SMG7: variants seen among roughly 807,000 people sequenced by gnomAD.
SMG7 encodes the protein SMG7 nonsense mediated mRNA decay factor.
A neutral mutation model predicts 148.2 loss-of-function variants in SMG7; 34 were observed. The observed-to-expected ratio is 0.23, with a 90% CI of 0.17 to 0.31. The LOEUF (loss-of-function observed/expected upper bound fraction) is 0.31. Among genes scored for constraint, SMG7 ranks in the 10% least tolerant of loss-of-function variants. The pLI is 1.00. For synonymous variants in SMG7, 492 were observed against 515.1 expected, an observed-to-expected ratio of 0.96 and a Z score of 0.61; for missense variants, 1,114 against 1,408.4, an observed-to-expected ratio of 0.79 and a Z score of 3.35.
rs1278602517 is a variant in SMG7, at chr1:183,516,009, T to C, written c.179+18T>C. The C allele has an allele frequency of 4.2e-6, 6 of 1,422,080 alleles. No individual in the cohort carries two copies. The highest frequency in any genetic ancestry group is 2.3e-5 in the East Asian group (1 of 43,376). 88.1% of individuals were successfully genotyped at this position (1,422,080 alleles called of 1,614,324 possible). On this transcript the variant is annotated intron_variant, in intron 3 of 22. Coordinates refer to ENST00000688051, the MANE Select transcript of SMG7 (RefSeq NM_001375584.1). ...CAGGATCTGTAAGTATTACCTATCA[T>C]TTGAGAAGTCCCTGTAAGATCAAGA...
At chr1:183,512,192 G>A (rs1662295389) in intron 1 of SMG7, among the ~76,000 whole-genome samples, 1 of 152,136 alleles carries the variant, frequency 6.6e-6, no homozygotes, top group Non-Finnish European at 1.5e-5. Context: ...CAAAATTGGT[G>A]CAAGGGAAGG....
At chr1:183,510,228 A>G (rs545545136) in intron 1 of SMG7, among the ~76,000 whole-genome samples, 94 of 152,280 alleles carry the variant, frequency 6.2e-4, no homozygotes, top group African/African-American at 1.7e-3. Context: ...AATCTAGTAA[A>G]GGTACATAAT....
intron 1 of SMG7, 149 bp from the exon 2 acceptor site, chr1:183,512,688 G>A (rs1390993298): frequency 4.2e-6 from 3 of 706,110 alleles, no homozygotes; most frequent in Admixed American, 6.7e-5. Context: ...TTAAAGTAGG[G>A]ATGCTGTTTG....
At chr1:183,492,073 A>G (rs1657185894) in intron 1 of SMG7, among the ~76,000 whole-genome samples, 2 of 152,214 alleles carry the variant, frequency 1.3e-5, no homozygotes, top group East Asian at 1.9e-4. Context: ...GGGGATTAAG[A>G]TTTAACATGA....
At chr1:183,501,639 A>C (rs1383759278) in intron 1 of SMG7, among the ~76,000 whole-genome samples, 1 of 152,150 alleles carries the variant, frequency 6.6e-6, no homozygotes, top group South Asian at 2.1e-4. Context: ...GCTTTTAACC[A>C]CTGCCGCCTC....
intron 1 of SMG7, chr1:183,508,171 A>G (rs922374173): frequency 3.2e-6 from 3 of 950,276 alleles, no homozygotes; most frequent in Non-Finnish European, 2.5e-6. Context: ...ACAAAACCAT[A>G]GAACAATTGA....
rs1038139602 is a variant in SMG7 at position 183,515,896 on chromosome 1, A to T, written c.84A>T (p.Glu28Asp). ...DMTDSKLGPA[E>D]VWTSRQALQD... ...CAGATTCTAAGCTGGGTCCAGCTGA[A>T]GTCTGGACATCCAGGCAGGCTCTGC... The change falls in exon 3 of 23, where the codon GAA becomes GAT. Residue 28 changes from glutamate (E) to aspartate (D), a missense_variant. By Grantham distance (45) the Glu-to-Asp change is conservative. Transcript: ENST00000688051. The T allele has an allele frequency of 6.2e-7, 1 of 1,612,206 alleles. No homozygotes were observed. The highest frequency in any genetic ancestry group is 2.2e-5 in the East Asian group (1 of 44,828).
At chr1:183,514,230 AAAAG>A (rs1423335475) in intron 2 of SMG7, among the ~76,000 whole-genome samples, 1 of 151,788 alleles carries the variant, frequency 6.6e-6, no homozygotes, top group Non-Finnish European at 1.5e-5. Context: ...AAAAAAAAAA[AAAAG>A]AATTAAACAG....
chr1:183,529,001 C>T lies in SMG7; in HGVS notation c.666C>T (p.Ala222=), dbSNP rs1666389685. ...CTGTGAAGTTCCCTTTCCCAGCTGC[C>T]TCCACTAATCTGCAAAAAGCACTTT... ...SIAVKFPFPA[A]STNLQKALSK... Residue 222 remains alanine, a synonymous_variant, in exon 7 of 23, where the codon GCC becomes GCT. Coordinates refer to ENST00000688051, the MANE Select transcript of SMG7 (RefSeq NM_001375584.1). 1 of 1,613,566 alleles carries T rather than the reference C, an allele frequency of 6.2e-7. No individual in the cohort carries two copies. Among genetic ancestry groups the T allele is most frequent in the African/African-American group, 1.3e-5 (1 of 74,970 alleles).
In SMG7 at chr1:183,542,408, A is replaced by T; in HGVS notation, c.1748A>T (p.Asp583Val). 6.2e-7 allele frequency: 1 copy of T among 1,614,058 alleles called. No homozygotes were observed. The highest frequency in any genetic ancestry group is 8.5e-7 in the Non-Finnish European group (1 of 1,179,930). ...YSKGITVTKN[D>V]GKKDNNKRKT... ...AAAGGAATAACTGTAACTAAGAATGATGGAAAGAAGGACAACAACAAGAGG... is the reference window on the plus strand; with the variant it reads ...AAAGGAATAACTGTAACTAAGAATGTTGGAAAGAAGGACAACAACAAGAGG... Residue 583 changes from aspartate (D) to valine (V), a missense_variant, in exon 14 of 23, where the codon GAT becomes GTT. Coordinates refer to ENST00000688051, the MANE Select transcript of SMG7 (RefSeq NM_001375584.1).
intron 1 of SMG7, among the ~76,000 whole-genome samples, chr1:183,484,607 G>A (rs1654979653): frequency 6.6e-6 from 1 of 151,974 alleles, no homozygotes; most frequent in South Asian, 2.1e-4. Flanking sequence ...AATGCTAACA[G>A]GGAATTGTTA....
Position 183,527,956 on chromosome 1 carries a change from C to G in SMG7, c.485C>G (p.Ala162Gly). Residue 162 changes from alanine (A) to glycine (G), a missense_variant and splice_region_variant, in exon 6 of 23, where the codon GCT becomes GGT. Coordinates refer to ENST00000688051, the MANE Select transcript of SMG7 (RefSeq NM_001375584.1). The surrounding 1 kb of genome is among the most constrained non-coding windows in gnomAD (Gnocchi z 4.0). ...QHCLVHLGDI[A>G]RYRNQTSQAE... ...TTAAAACTAATTTTCTTCTTCTTAG[C>G]TCGATACAGAAACCAGACCAGCCAG... The G allele has an allele frequency of 6.2e-7, 1 of 1,612,574 alleles. No individual in the cohort carries two copies. The highest frequency in any genetic ancestry group is 8.5e-7 in the Non-Finnish European group (1 of 1,179,028).
At chr1:183,512,731 A>G in intron 1 of SMG7, 106 bp from the exon 2 acceptor site, 1 of 1,032,468 alleles carries the variant, frequency 9.7e-7, no homozygotes, top group East Asian at 2.6e-5. Flanking sequence ...GTATATCCTT[A>G]TCGTAGTATA....
intron 1 of SMG7, among the ~76,000 whole-genome samples, chr1:183,481,471 C>T (rs150551738): frequency 7.2e-5 from 11 of 152,244 alleles, no homozygotes; most frequent in African/African-American, 2.4e-4. Flanking sequence ...CTTATCTCTG[C>T]AGCTAGACTA....
intron 10 of SMG7, among the ~76,000 whole-genome samples, chr1:183,535,610 A>G (rs1667622274): frequency 6.6e-6 from 1 of 152,184 alleles, no homozygotes; most frequent in African/African-American, 2.4e-5. Flanking sequence ...AATTTTATGT[A>G]TATTCAAATA....
At chr1:183,535,528 A>G (rs972999792) in intron 10 of SMG7, among the ~76,000 whole-genome samples, 2 of 152,352 alleles carry the variant, frequency 1.3e-5, no homozygotes, top group Admixed American at 1.3e-4. Flanking sequence ...TGTCTAATAC[A>G]CTAAAGTTAT....
At chr1:183,513,369 C>CTTTTTTTT (rs1224170251) in intron 2 of SMG7, 12 of 122,710 alleles carry the variant, frequency 9.8e-5, no homozygotes, top group Non-Finnish European at 1.3e-4. Context: ...ATCTTTGTTA[C>CTTTTTTTT]TTTTTTTTTT....
chr1:183,515,623 T>TA (rs1466326773), intron 2 of SMG7, among the ~76,000 whole-genome samples: 2 of 151,158 alleles, frequency 1.3e-5, no homozygotes, highest in Non-Finnish European at 3.0e-5. Flanking sequence ...TTTTTTTTTT[T>TA]AGCCCTTTTC....
At chr1:183,477,794 A>G (rs896225641) in intron 1 of SMG7, among the ~76,000 whole-genome samples, 3 of 151,984 alleles carry the variant, frequency 2.0e-5, no homozygotes, top group Admixed American at 6.5e-5. Context: ...GTATGTATAC[A>G]TATATGTATA....
Sources: gnomAD v4.1 joint callset for allele counts (sites outside exome capture counted in the v4.1 genomes callset) on GRCh38, gnomAD v4.1.1 for gene constraint, Gnocchi (gnomAD v3.1) non-coding constraint, MANE v1.5 for transcripts, NCBI Gene and HGNC (gene_info 2026-07-23, HGNC 2026-07-21) for gene names.